The following LMBRD1 variants were observed in gnomAD, a reference collection of about 807,000 sequenced individuals.
LMBRD1 encodes LMBR1 domain containing 1.
A neutral mutation model predicts 74.8 loss-of-function variants in LMBRD1; 64 were observed. That is an observed-to-expected ratio of 0.86 (90% CI 0.70 to 1.05). The LOEUF is 1.05. Ranked by LOEUF, LMBRD1 falls within the 50% of genes least tolerant of loss-of-function variation. The pLI is 0.00. For missense variants in LMBRD1, 652 were observed against 645.9 expected (o/e 1.01, Z -0.10); for synonymous variants, 204 against 216.3 (o/e 0.94, Z 0.50).
chr6:69,691,069 T>C (rs1765866672), intron 14 of LMBRD1, among the ~76,000 whole-genome samples: 1 of 152,060 alleles, frequency 6.6e-6, no homozygotes, highest in African/African-American at 2.4e-5. Flanking sequence ...TTTCTTCATA[T>C]TGTCTATGAC....
At chr6:69,696,477 T>C (rs557513018) in intron 14 of LMBRD1, among the ~76,000 whole-genome samples, 2 of 152,332 alleles carry the variant, frequency 1.3e-5, no homozygotes, top group South Asian at 4.1e-4. Context: ...CCTTTTATGA[T>C]ATGACTCATG....
intron 14 of LMBRD1, among the ~76,000 whole-genome samples, chr6:69,694,602 T>A (rs1004161515): frequency 6.6e-6 from 1 of 152,132 alleles, no homozygotes; most frequent in African/African-American, 2.4e-5. Flanking sequence ...TTTCTCTCAG[T>A]TTTAGTCTCT....
chr6:69,764,061 A>ATTT (rs1181235411), intron 3 of LMBRD1, among the ~76,000 whole-genome samples: 1 of 151,832 alleles, frequency 6.6e-6, no homozygotes, highest in Non-Finnish European at 1.5e-5. Flanking sequence ...CAAACTTAAC[A>ATTT]CTCTTGGGGC....
At chr6:69,760,344 T>A (rs1431538746) in intron 3 of LMBRD1, among the ~76,000 whole-genome samples, 1 of 152,108 alleles carries the variant, frequency 6.6e-6, no homozygotes, top group East Asian at 1.9e-4. Context: ...CATATAAAGT[T>A]CAGAAATGTA....
intron 1 of LMBRD1, among the ~76,000 whole-genome samples, chr6:69,794,580 C>G (rs957925370): frequency 1.3e-5 from 2 of 152,200 alleles, no homozygotes; most frequent in Non-Finnish European, 2.9e-5. Flanking sequence ...CAAAGGGAAT[C>G]TATCACTTAA....
intron 7 of LMBRD1, among the ~76,000 whole-genome samples, chr6:69,727,280 T>C (rs1766756917): frequency 1.3e-5 from 2 of 152,226 alleles, no homozygotes; most frequent in African/African-American, 4.8e-5. Context: ...TTATTATGCA[T>C]TGCATGCCTA....
At chr6:69,775,552 T>A (rs775363810) in intron 3 of LMBRD1, among the ~76,000 whole-genome samples, 1 of 152,220 alleles carries the variant, frequency 6.6e-6, no homozygotes, top group Non-Finnish European at 1.5e-5. Context: ...TTTACAGGAA[T>A]CAAGATAGTA....
chr6:69,772,461 A>C (rs1209163034), intron 3 of LMBRD1, among the ~76,000 whole-genome samples: 1 of 152,176 alleles, frequency 6.6e-6, no homozygotes, highest in African/African-American at 2.4e-5. Flanking sequence ...GTTCATTTAG[A>C]GACAAAAAGT....
intron 9 of LMBRD1, among the ~76,000 whole-genome samples, chr6:69,709,166 G>A (rs1169715130): frequency 2.0e-5 from 3 of 151,902 alleles, no homozygotes; most frequent in South Asian, 2.1e-4. Flanking sequence ...CCTGGGAGGC[G>A]GAGCTTGCGG....
At chr6:69,714,514 A>T (rs1482145472) in intron 8 of LMBRD1, among the ~76,000 whole-genome samples, 1 of 152,170 alleles carries the variant, frequency 6.6e-6, no homozygotes, top group Admixed American at 6.6e-5. Context: ...AAAATAAAAC[A>T]ACTACTAAAT....
At chr6:69,691,232 A>G (rs1166253668) in intron 14 of LMBRD1, among the ~76,000 whole-genome samples, 1 of 149,980 alleles carries the variant, frequency 6.7e-6, no homozygotes, top group Non-Finnish European at 1.5e-5. Context: ...AAAATGTTAA[A>G]TGTTGAAAAA....
intron 9 of LMBRD1, among the ~76,000 whole-genome samples, chr6:69,712,815 CAAT>C (rs1284056040): frequency 6.6e-6 from 1 of 152,004 alleles, no homozygotes; most frequent in Non-Finnish European, 1.5e-5. Context: ...CTACAGTCAA[CAAT>C]AATATGTGGT....
At chr6:69,697,717 G>T in intron 13 of LMBRD1, 76 bp from the exon 14 acceptor site, 2 of 863,462 alleles carry the variant, frequency 2.3e-6, no homozygotes, top group East Asian at 2.6e-5. Context: ...TAATCACTAT[G>T]AACTGTATAC....
At chr6:69,748,040 A>G (rs139635813) in intron 5 of LMBRD1, among the ~76,000 whole-genome samples, 7 of 152,180 alleles carry the variant, frequency 4.6e-5, no homozygotes, top group Admixed American at 3.9e-4. Context: ...AAAGATTTGT[A>G]GTTTTATTGA....
At chr6:69,709,644 T>C (rs1277133898) in intron 9 of LMBRD1, among the ~76,000 whole-genome samples, 1 of 152,128 alleles carries the variant, frequency 6.6e-6, no homozygotes, top group African/African-American at 2.4e-5. Flanking sequence ...GCTGATATGA[T>C]CATGTATAAA....
In LMBRD1 at chr6:69,701,952, A is replaced by T. The variant is rs751420647; in HGVS notation, c.917T>A (p.Ile306Asn). Reference sequence around the variant, plus strand: ...TAAGATGAAAAATATTCCCCAGACGATCTAAAAGCAAAAATATATTCATTA... The same window carrying T: ...TAAGATGAAAAATATTCCCCAGACGTTCTAAAAGCAAAAATATATTCATTA... ...KFCGALRPLK[I>N]VWGIFFILVA... The change falls in exon 10 of 16, where the codon ATC (isoleucine) becomes AAC (asparagine). Residue 306 changes from isoleucine to asparagine, a missense_variant and splice_region_variant. Around this residue, in one of 3 missense-constraint regions of LMBRD1, gnomAD observed 598 missense variants for 581.8 expected, o/e 1.03. Coordinates refer to ENST00000649934, the MANE Select transcript of LMBRD1 (RefSeq NM_018368.4). 1 of 1,576,040 alleles carries T rather than the reference A, an allele frequency of 6.3e-7. No individual in the cohort carries two copies. Among genetic ancestry groups the T allele is most frequent in the South Asian group, 1.1e-5 (1 of 90,128 alleles).
chr6:69,684,233 T>TA (rs1236429590), intron 14 of LMBRD1, among the ~76,000 whole-genome samples: 1 of 152,060 alleles, frequency 6.6e-6, no homozygotes, highest in Non-Finnish European at 1.5e-5. Context: ...CAATTTATCA[T>TA]ATGAAATTAA....
rs187665377 is a variant in LMBRD1, at chr6:69,789,900, T to C, written c.246+396A>G. Among the ~76,000 whole-genome samples the C allele has an allele frequency of 1.2e-4, 19 of 152,342 alleles. No individual in the cohort carries two copies. The East Asian group carries it at 3.7e-3, about 29-fold the overall frequency. Reference sequence around the variant, plus strand: ...CAAGACTAGAACTCAGATCTTATAATTCCCAGCCTAATTCACTACACCATA... The same window carrying C: ...CAAGACTAGAACTCAGATCTTATAACTCCCAGCCTAATTCACTACACCATA... On this transcript the variant is annotated intron_variant, in intron 2 of 15. Transcript: ENST00000649934.
At position 69,788,027 on chromosome 6, in the gene LMBRD1, C is replaced by T. The variant is rs185422884; in HGVS notation, c.246+2269G>A. Among the ~76,000 whole-genome samples the T allele has an allele frequency of 1.6e-4, 25 of 152,208 alleles. No homozygotes were observed. In the East Asian group the frequency reaches 4.6e-3, roughly 28 times the overall value. On this transcript the variant is annotated intron_variant, in intron 2 of 15. Transcript: ENST00000649934. The stretch of plus-strand genomic sequence containing the variant: ...AAATATCGAAAACAAAGAAACAAAA[C>T]AAACCTATTTCCTAGGAAGCGAGCA...
Sources: allele counts gnomAD v4.1 joint callset (sites outside exome capture counted in the v4.1 genomes callset), GRCh38; gene constraint gnomAD v4.1.1; regional missense constraint gnomAD v4.1.1; transcripts MANE v1.5; gene names NCBI Gene and HGNC (gene_info 2026-07-23, HGNC 2026-07-21).